Variants in COX4I2 observed in about 807,000 individuals in gnomAD.
The protein encoded by COX4I2 is cytochrome c oxidase subunit 4 isoform 2, mitochondrial.
Under a neutral mutation model 20.8 loss-of-function variants are expected in COX4I2, and 15 were observed. The observed-to-expected ratio is 0.72, with a 90% CI of 0.48 to 1.11. COX4I2 has a LOEUF of 1.11. Among genes scored for constraint, COX4I2 ranks in the 50% most tolerant of loss-of-function variants. The pLI is 0.00. For synonymous variants in COX4I2, 80 were observed against 78.1 expected (o/e 1.02, Z -0.13); for missense variants, 224 against 223.0 (o/e 1.00, Z -0.03).
At chr20:31,641,456 G>A (rs978566824) in intron 3 of COX4I2, among the ~76,000 whole-genome samples, 3 of 152,090 alleles carry the variant, frequency 2.0e-5, no homozygotes, top group South Asian at 2.1e-4. Context: ...TGTCCTGCAC[G>A]CTTACATGTA....
chr20:31,640,446 G>A (rs955634983), intron 3 of COX4I2, among the ~76,000 whole-genome samples: 9 of 152,158 alleles, frequency 5.9e-5, no homozygotes, highest in African/African-American at 2.2e-4. Context: ...AAATCTTGGT[G>A]GACCTCCCAG....
intron 3 of COX4I2, among the ~76,000 whole-genome samples, chr20:31,641,329 AC>A (rs1361154842): frequency 6.7e-6 from 1 of 149,770 alleles, no homozygotes; most frequent in African/African-American, 2.5e-5. Context: ...ACGGCATTGC[AC>A]TCCAGCCTGG....
chr20:31,643,651 T>C (rs1481490069), intron 4 of COX4I2, 116 bp downstream of exon 4: 1 of 1,271,894 alleles, frequency 7.9e-7, no homozygotes, highest in Non-Finnish European at 1.1e-6. Context: ...TGAAAATTTC[T>C]GAAGAGGTGT....
chr20:31,641,866 A>T (rs77683532), intron 3 of COX4I2, among the ~76,000 whole-genome samples: 1 of 145,880 alleles, frequency 6.9e-6, no homozygotes. Flanking sequence ...ACACCTGGCT[A>T]TTTTTTTTTT....
chr20:31,639,023 C>T lies in COX4I2; in HGVS notation c.6C>T (p.Leu2=). Residue 2 remains leucine, a synonymous_variant, in exon 2 of 5, where the codon CTC becomes CTT. Coordinates refer to ENST00000376075, the MANE Select transcript of COX4I2 (RefSeq NM_032609.3). ...CTATACCTTCACGCCCCCAGATGCTCCCCAGAGCTGCCTGGAGCTTGGTGC... is the reference window on the plus strand; with the variant it reads ...CTATACCTTCACGCCCCCAGATGCTTCCCAGAGCTGCCTGGAGCTTGGTGC... M[L]PRAAWSLVLR... 1 of 1,610,510 alleles carries T rather than the reference C, an allele frequency of 6.2e-7. No individual in the cohort carries two copies. The highest frequency in any genetic ancestry group is 1.1e-5 in the South Asian group (1 of 89,868).
chr20:31,639,872 T>C (rs1475224006), intron 2 of COX4I2, 61 bp from the exon 3 acceptor site: 15 of 1,585,820 alleles, frequency 9.5e-6, no homozygotes, highest in Non-Finnish European at 1.1e-5. Context: ...TTTATTAATA[T>C]AGTTAGAGAT....
chr20:31,644,665 C>T, intron 4 of COX4I2, 103 bp from the exon 5 acceptor site: 1 of 1,340,338 alleles, frequency 7.5e-7, no homozygotes, highest in Non-Finnish European at 1.1e-6. Flanking sequence ...GTATCTTGTA[C>T]CGTCAGCCTT....
chr20:31,642,819 C>T (rs1195645550), intron 3 of COX4I2, among the ~76,000 whole-genome samples: 1 of 152,104 alleles, frequency 6.6e-6, no homozygotes, highest in East Asian at 1.9e-4. Flanking sequence ...TGGACTGAAG[C>T]AATCCACCCG....
In COX4I2 at chr20:31,639,942, G is replaced by C. The variant is rs1364683643; in HGVS notation, c.92G>C (p.Gly31Ala). ...MHSSEGTTRGGGKMSPYTNCY... is the reference protein window; with the variant it reads ...MHSSEGTTRGAGKMSPYTNCY... ...TCCATTGTGTCTGCAGCCCGTGGTG[G>C]GGGGAAGATGTCCCCCTACACCAAC... Residue 31 changes from glycine (G) to alanine (A), a missense_variant, in exon 3 of 5, where the codon GGG becomes GCG. Coordinates refer to ENST00000376075, the MANE Select transcript of COX4I2 (RefSeq NM_032609.3). The C allele has an allele frequency of 1.9e-6, 3 of 1,614,044 alleles. No homozygotes were observed. Among genetic ancestry groups the C allele is most frequent in the South Asian group, 1.1e-5 (1 of 91,076 alleles).
chr20:31,644,008 G>C (rs371132144), intron 4 of COX4I2, among the ~76,000 whole-genome samples: 1 of 152,016 alleles, frequency 6.6e-6, no homozygotes, highest in Non-Finnish European at 1.5e-5. Context: ...ACAGGGTTTC[G>C]CCATGTTGGC....
At chr20:31,639,441 A>C (rs754389490) in intron 2 of COX4I2, among the ~76,000 whole-genome samples, 1 of 152,110 alleles carries the variant, frequency 6.6e-6, no homozygotes, top group Non-Finnish European at 1.5e-5. Flanking sequence ...AAGAAGAAAG[A>C]GACCTAAAGT....
chr20:31,643,367 C>T, intron 3 of COX4I2, 37 bp from the exon 4 acceptor site: 4 of 1,613,286 alleles, frequency 2.5e-6, no homozygotes, highest in Non-Finnish European at 3.4e-6. Flanking sequence ...AGAGTGGACG[C>T]ACCTGAGGCC....
Position 31,643,420 on chromosome 20 carries a change from C to A in COX4I2, c.264C>A (p.Phe88Leu). Reference protein sequence around the residue: ...AEKVALYRLQFNETFAEMNRR... With the variant: ...AEKVALYRLQLNETFAEMNRR... ...TGCCTCCAGTGTACCGGCTCCAGTT[C>A]AATGAGACCTTTGCGGAGATGAACC... is the stretch of plus-strand genomic sequence containing the variant. The change falls in exon 4 of 5, where the codon TTC becomes TTA. Residue 88 changes from phenylalanine to leucine, a missense_variant. Physicochemically the swap from Phe to Leu is conservative, Grantham distance 22. Transcript: ENST00000376075. The A allele has an allele frequency of 6.2e-7, 1 of 1,614,182 alleles. No individual in the cohort carries two copies. Among genetic ancestry groups the A allele is most frequent in the Non-Finnish European group, 8.5e-7 (1 of 1,180,052 alleles).
chr20:31,644,869 C>G lies in COX4I2; in HGVS notation c.481C>G (p.Arg161Gly). The G allele has an allele frequency of 6.2e-7, 1 of 1,614,088 alleles. No individual in the cohort carries two copies. The highest frequency in any genetic ancestry group is 8.5e-7 in the Non-Finnish European group (1 of 1,180,000). ...GAATCCTGTGCAGGGCCTGGCCTCCCGCTGGGACTATGAGAAGAAGCAGTG... is the reference window on the plus strand; with the variant it reads ...GAATCCTGTGCAGGGCCTGGCCTCCGGCTGGGACTATGAGAAGAAGCAGTG... ...KVNPVQGLAS[R>G]WDYEKKQWKK The change falls in exon 5 of 5, where the codon CGC (arginine) becomes GGC (glycine). Residue 161 changes from arginine (R) to glycine (G), a missense_variant. Transcript: ENST00000376075.
chr20:31,638,478 C>CT (rs1219779249), intron 1 of COX4I2, among the ~76,000 whole-genome samples: 51 of 708 alleles, frequency 0.072, no homozygotes, highest in Non-Finnish European at 0.14. Flanking sequence ...AAGCCCAGTC[C>CT]CCACCCCAAC....
intron 1 of COX4I2, among the ~76,000 whole-genome samples, chr20:31,638,506 G>A (rs1372359747): frequency 6.6e-6 from 1 of 151,106 alleles, no homozygotes. Flanking sequence ...AGCAGAGCAG[G>A]CCTGTGTGCA....
chr20:31,639,829 T>TACA (rs1399430060), intron 2 of COX4I2, 104 bp from the exon 3 acceptor site: 1 of 1,304,556 alleles, frequency 7.7e-7, no homozygotes, highest in Non-Finnish European at 1.1e-6. Context: ...ATGCTAGGAT[T>TACA]ACAGGCATGA....
At chr20:31,638,612 C>T (rs2122318875) in intron 1 of COX4I2, among the ~76,000 whole-genome samples, 1 of 152,130 alleles carries the variant, frequency 6.6e-6, no homozygotes, top group African/African-American at 2.4e-5. Flanking sequence ...AAGAGAGACT[C>T]AAGAACTGCT....
At chr20:31,642,677 A>G (rs1184652560) in intron 3 of COX4I2, among the ~76,000 whole-genome samples, 3 of 151,642 alleles carry the variant, frequency 2.0e-5, no homozygotes, top group Admixed American at 6.6e-5. Flanking sequence ...TGACCTCGTG[A>G]TCCACCACCT....
Sources: allele counts gnomAD v4.1 joint callset (sites outside exome capture counted in the v4.1 genomes callset), GRCh38; gene constraint gnomAD v4.1.1; transcripts MANE v1.5; gene names NCBI Gene and HGNC (gene_info 2026-07-23, HGNC 2026-07-21).